Variants in LRRTM4 observed in about 807,000 individuals in gnomAD.
LRRTM4 encodes leucine-rich repeat transmembrane neuronal protein 4.
In LRRTM4, 25 loss-of-function variants were observed where a neutral mutation model predicts 47.6. The observed-to-expected ratio is 0.53, with a 90% confidence interval of 0.38 to 0.73. The LOEUF is 0.73. LRRTM4 is among the 30% of genes least tolerant of loss of function. The pLI, the probability that LRRTM4 is intolerant of heterozygous loss-of-function variation, is 0.00. For missense variants in LRRTM4, 638 were observed against 713.4 expected (o/e 0.89, Z 1.20); for synonymous variants, 311 against 269.5 (o/e 1.15, Z -1.51).
At chr2:76,913,166 C>T (rs1033609558) in intron 3 of LRRTM4, among the ~76,000 whole-genome samples, 13 of 152,104 alleles carry the variant, frequency 8.5e-5, no homozygotes, top group African/African-American at 2.9e-4. Flanking sequence ...CTTTGCTTGT[C>T]CATAATCTTG....
Position 76,886,662 on chromosome 2 carries a change from A to G in LRRTM4, c.1552-137746T>C, listed in dbSNP as rs959443260. On this transcript the variant is annotated intron_variant, in intron 3 of 3. Transcript: ENST00000409884. ...AAAATGGCTGGTTACAAAAATGCAAATAGTAACATAACTCTCCTACATATT... is the reference window on the plus strand; with the variant it reads ...AAAATGGCTGGTTACAAAAATGCAAGTAGTAACATAACTCTCCTACATATT... Among the ~76,000 whole-genome samples the G allele has an allele frequency of 5.5e-4, 84 of 152,190 alleles. 1 individual carries two copies. The highest frequency in any genetic ancestry group is 2.0e-3 in the African/African-American group (82 of 41,570).
intron 3 of LRRTM4, among the ~76,000 whole-genome samples, chr2:76,974,529 T>TACAC (rs762264256): frequency 6.6e-6 from 1 of 150,992 alleles, no homozygotes; most frequent in African/African-American, 2.4e-5. Context: ...GATACACACA[T>TACAC]ATAGTGTATA....
intron 3 of LRRTM4, among the ~76,000 whole-genome samples, chr2:77,415,087 T>C (rs1393117594): frequency 6.6e-6 from 1 of 152,192 alleles, no homozygotes; most frequent in Non-Finnish European, 1.5e-5. Flanking sequence ...TACTGCTATG[T>C]TTGCACTCCA....
chr2:77,193,270 T>C (rs1232238323), intron 3 of LRRTM4, among the ~76,000 whole-genome samples: 1 of 152,190 alleles, frequency 6.6e-6, no homozygotes, highest in Non-Finnish European at 1.5e-5. Context: ...GAATACCATA[T>C]GATGTTTGCA....
chr2:77,298,140 T>G (rs1677023618), intron 3 of LRRTM4, among the ~76,000 whole-genome samples: 1 of 152,180 alleles, frequency 6.6e-6, no homozygotes, highest in Admixed American at 6.5e-5. Flanking sequence ...ATCCCCCAAT[T>G]TTATGTCTGA....
At chr2:77,006,047 C>G (rs1276143667) in intron 3 of LRRTM4, among the ~76,000 whole-genome samples, 1 of 152,130 alleles carries the variant, frequency 6.6e-6, no homozygotes, top group Admixed American at 6.6e-5. Context: ...ATCCAGAATA[C>G]AAACTCTTAA....
At chr2:77,089,097 A>G (rs1224958968) in intron 3 of LRRTM4, among the ~76,000 whole-genome samples, 3 of 152,004 alleles carry the variant, frequency 2.0e-5, no homozygotes, top group African/African-American at 4.8e-5. Flanking sequence ...AGACCACACA[A>G]GGACGCCTGC....
chr2:77,088,162 G>A (rs1243819398), intron 3 of LRRTM4, among the ~76,000 whole-genome samples: 1 of 152,182 alleles, frequency 6.6e-6, no homozygotes, highest in African/African-American at 2.4e-5. Context: ...AATTTCTTCT[G>A]CTGTTTGTCA....
chr2:76,980,938 G>A (rs541004466), intron 3 of LRRTM4, among the ~76,000 whole-genome samples: 1 of 152,164 alleles, frequency 6.6e-6, no homozygotes, highest in South Asian at 2.1e-4. Context: ...TGATATTTAA[G>A]TGATCTTATC....
At chr2:77,047,912 G>T (rs10167398) in intron 3 of LRRTM4, among the ~76,000 whole-genome samples, 8,662 of 152,030 alleles carry the variant, frequency 0.057, 535 homozygotes, top group East Asian at 0.14. Context: ...TGAGGTCCAG[G>T]CTGTCTTGTG....
chr2:77,443,876 C>T (rs1053207126), intron 3 of LRRTM4, among the ~76,000 whole-genome samples: 2 of 151,858 alleles, frequency 1.3e-5, no homozygotes, highest in African/African-American at 4.8e-5. Context: ...CACACATCAA[C>T]AACAATAAGA....
At chr2:76,809,250 T>G (rs1670655161) in intron 3 of LRRTM4, among the ~76,000 whole-genome samples, 1 of 152,180 alleles carries the variant, frequency 6.6e-6, no homozygotes, top group African/African-American at 2.4e-5. Flanking sequence ...CTATTGTACA[T>G]TTTGTGTTGT....
chr2:76,981,480 T>C (rs937707277), intron 3 of LRRTM4, among the ~76,000 whole-genome samples: 3 of 151,998 alleles, frequency 2.0e-5, no homozygotes, highest in Non-Finnish European at 4.4e-5. Context: ...CCAACTCTAT[T>C]TGGAAATATA....
At position 77,345,840 on chromosome 2, in the gene LRRTM4, A is replaced by G. The variant is rs77838389; in HGVS notation, c.1551+172478T>C. Among the ~76,000 whole-genome samples the G allele has an allele frequency of 1.1e-3, 163 of 150,630 alleles. 4 individuals carry two copies. The East Asian group carries it at 0.027, about 25-fold the overall frequency. ...AAAACATATATATATATGTGTGTGT[A>G]TATATATATATACACAGACACACAC... is the stretch of plus-strand genomic sequence containing the variant. On this transcript the variant is annotated intron_variant, in intron 3 of 3. Coordinates refer to ENST00000409884, the MANE Select transcript of LRRTM4 (RefSeq NM_001134745.3).
intron 3 of LRRTM4, among the ~76,000 whole-genome samples, chr2:76,817,881 T>G (rs534105969): frequency 6.6e-6 from 1 of 152,054 alleles, no homozygotes; most frequent in Non-Finnish European, 1.5e-5. Context: ...AAAAGATTGG[T>G]TTTCTTCTCC....
chr2:77,328,852 T>C (rs1236198894), intron 3 of LRRTM4, among the ~76,000 whole-genome samples: 1 of 152,292 alleles, frequency 6.6e-6, no homozygotes, highest in East Asian at 1.9e-4. Context: ...TCGAAAGGCA[T>C]TGCACATGCT....
chr2:76,807,166 G>C (rs1271396487), intron 3 of LRRTM4, among the ~76,000 whole-genome samples: 1 of 151,694 alleles, frequency 6.6e-6, no homozygotes, highest in Non-Finnish European at 1.5e-5. Context: ...CTACTTCATG[G>C]AATTGATTCA....
rs1486459777 is a variant in LRRTM4 at position 77,021,106 on chromosome 2, C to CTATT, written c.1552-272191_1552-272190insAATA. ...AAGAAACTTCTCTGTATCTATCTAT[C>CTATT]TATGTATCTATCTATCTATCTATCT... On this transcript the variant is annotated intron_variant, in intron 3 of 3. Transcript: ENST00000409884. Among the ~76,000 whole-genome samples, 4 of 117,400 alleles carry CTATT rather than the reference C, an allele frequency of 3.4e-5. No individual in the cohort carries two copies. In the Admixed American group the frequency reaches 3.5e-4, roughly 10 times the overall value. The allele number at this position is 117,400 out of a possible 152,430, so 77.0% of individuals were successfully genotyped here.
At chr2:77,248,811 A>C (rs780439269) in intron 3 of LRRTM4, among the ~76,000 whole-genome samples, 18 of 152,204 alleles carry the variant, frequency 1.2e-4, no homozygotes, top group South Asian at 2.1e-4. Flanking sequence ...AATCTTTCCA[A>C]CAAATGATGT....
Sources: gnomAD v4.1 joint callset for allele counts (sites outside exome capture counted in the v4.1 genomes callset) on GRCh38, gnomAD v4.1.1 for gene constraint, MANE v1.5 for transcripts, NCBI Gene and HGNC (gene_info 2026-07-23, HGNC 2026-07-21) for gene names.